DPP10: variants seen among roughly 807,000 people sequenced by gnomAD.
DPP10 encodes the protein inactive dipeptidyl peptidase 10.
DPP10 carries 33 observed loss-of-function variants against 120.9 expected under a neutral mutation model. The ratio of observed to expected loss-of-function variants is 0.27; its 90% CI spans 0.21 to 0.37. The LOEUF (loss-of-function observed/expected upper bound fraction) is 0.37, where lower values mean the gene tolerates loss of function less well. Ranked by LOEUF, DPP10 falls within the 10% of genes least tolerant of loss-of-function variation. The pLI is 1.00. For missense variants in DPP10, 816 were observed against 942.8 expected (o/e 0.87, Z 1.76); for synonymous variants, 337 against 326.1 (o/e 1.03, Z -0.36).
chr2:114,649,476 GTA>G (rs1696408193), intron 1 of DPP10, among the ~76,000 whole-genome samples: 1 of 151,914 alleles, frequency 6.6e-6, no homozygotes, highest in African/African-American at 2.4e-5. Context: ...ATTCTCCCGA[GTA>G]GCTGGGACTA....
chr2:114,663,668 TAGAGAG>T (rs1553479098), intron 1 of DPP10, among the ~76,000 whole-genome samples: 2 of 80,738 alleles, frequency 2.5e-5, no homozygotes, highest in Admixed American at 1.3e-4. Flanking sequence ...TATATATATA[TAGAGAG>T]AGAGAGAGAG....
intron 1 of DPP10, among the ~76,000 whole-genome samples, chr2:114,815,513 A>G (rs927845773): frequency 3.9e-5 from 6 of 152,174 alleles, no homozygotes; most frequent in Non-Finnish European, 2.9e-5. Flanking sequence ...TTTTACTTGT[A>G]TGTAGTATAC....
At chr2:114,907,088 T>C (rs1455360087) in intron 1 of DPP10, among the ~76,000 whole-genome samples, 1 of 152,138 alleles carries the variant, frequency 6.6e-6, no homozygotes, top group Non-Finnish European at 1.5e-5. Context: ...CCCTTTCATA[T>C]AAGTTATCCT....
intron 5 of DPP10, among the ~76,000 whole-genome samples, chr2:115,658,880 A>T (rs2088644547): frequency 6.6e-6 from 1 of 152,056 alleles, no homozygotes; most frequent in African/African-American, 2.4e-5. Flanking sequence ...TTTATAATAA[A>T]CTATATCAAT....
intron 3 of DPP10, among the ~76,000 whole-genome samples, chr2:115,491,686 GGA>G (rs1486137383): frequency 6.6e-6 from 1 of 152,070 alleles, no homozygotes; most frequent in Non-Finnish European, 1.5e-5. Context: ...GTTTCTGGTT[GGA>G]GATGTTATTT....
At chr2:115,830,113 TG>T (rs1465169332) in intron 21 of DPP10, among the ~76,000 whole-genome samples, 1 of 152,100 alleles carries the variant, frequency 6.6e-6, no homozygotes, top group Non-Finnish European at 1.5e-5. Context: ...CCCAGCACTT[TG>T]GGAGGCCAAG....
chr2:115,256,536 A>G (rs1186304699), intron 1 of DPP10, among the ~76,000 whole-genome samples: 2 of 152,198 alleles, frequency 1.3e-5, no homozygotes, highest in Non-Finnish European at 2.9e-5. Flanking sequence ...GAGGTAGTGT[A>G]TGGCTCTGAT....
chr2:114,685,463 G>A (rs1573964183), intron 1 of DPP10, among the ~76,000 whole-genome samples: 3 of 151,904 alleles, frequency 2.0e-5, no homozygotes, highest in African/African-American at 7.3e-5. Flanking sequence ...TACCCCAAAA[G>A]GGAACTAACG....
At chr2:114,507,214 A>C (rs1683750525) in intron 1 of DPP10, among the ~76,000 whole-genome samples, 1 of 151,866 alleles carries the variant, frequency 6.6e-6, no homozygotes, top group Admixed American at 6.6e-5. Context: ...CACCCCAGGT[A>C]ATTTTTGTAG....
At chr2:114,941,258 T>C (rs749498133) in intron 1 of DPP10, among the ~76,000 whole-genome samples, 6 of 152,184 alleles carry the variant, frequency 3.9e-5, no homozygotes, top group Admixed American at 3.3e-4. Context: ...TAGGTACCAA[T>C]CTTGTTGTCA....
chr2:115,518,767 T>C (rs2077638220), intron 4 of DPP10, among the ~76,000 whole-genome samples: 1 of 152,176 alleles, frequency 6.6e-6, no homozygotes, highest in African/African-American at 2.4e-5. Context: ...CTACTCATCT[T>C]GTAAGTATTA....
chr2:115,407,887 A>T, intron 3 of DPP10, among the ~76,000 whole-genome samples: 1 of 151,368 alleles, frequency 6.6e-6, no homozygotes, highest in East Asian at 1.9e-4. Context: ...AAAAGTAGTC[A>T]TTTTTTTTCA....
intron 1 of DPP10, among the ~76,000 whole-genome samples, chr2:115,254,345 A>G (rs1246940103): frequency 6.6e-6 from 1 of 152,130 alleles, no homozygotes; most frequent in African/African-American, 2.4e-5. Context: ...GGATGAGGGG[A>G]GTGACCCCCC....
chr2:114,822,685 C>T (rs10171811), intron 1 of DPP10, among the ~76,000 whole-genome samples: 5,032 of 151,974 alleles, frequency 0.033, 244 homozygotes, highest in African/African-American at 0.11. Flanking sequence ...TGTATACATG[C>T]GCCATGTTAT....
intron 1 of DPP10, among the ~76,000 whole-genome samples, chr2:114,588,822 C>G (rs1311801408): frequency 6.6e-6 from 1 of 152,144 alleles, no homozygotes. Flanking sequence ...CCATAACCAT[C>G]TGGCTGAGAA....
At chr2:114,905,263 G>C (rs942790411) in intron 1 of DPP10, among the ~76,000 whole-genome samples, 17 of 151,868 alleles carry the variant, frequency 1.1e-4, no homozygotes, top group Non-Finnish European at 1.9e-4. Context: ...AAATTTGGGT[G>C]GGGGGAGTGG....
intron 1 of DPP10, among the ~76,000 whole-genome samples, chr2:114,566,758 C>T (rs535693013): frequency 6.6e-6 from 1 of 152,310 alleles, no homozygotes; most frequent in South Asian, 2.1e-4. Flanking sequence ...GGTCTAGAGT[C>T]CTGGGTCTTC....
Position 115,108,540 on chromosome 2 carries a change from A to T in DPP10, c.61-200699A>T, listed in dbSNP as rs188860487. Reference sequence around the variant, plus strand: ...AATTACTGTATTAAACAATGTACAAATCATACAAAACAAATCTCTTGGAGA... The same window carrying T: ...AATTACTGTATTAAACAATGTACAATTCATACAAAACAAATCTCTTGGAGA... On this transcript the variant is annotated intron_variant, in intron 1 of 25. Coordinates refer to ENST00000410059, the MANE Select transcript of DPP10 (RefSeq NM_020868.6). 2.0e-3 allele frequency among the ~76,000 whole-genome samples: 309 copies of T among 152,328 alleles called. 2 individuals are homozygous for T. Among genetic ancestry groups the T allele is most frequent in the Non-Finnish European group, 2.2e-3 (150 of 68,034 alleles).
At chr2:114,509,492 CT>C (rs998632876) in intron 1 of DPP10, among the ~76,000 whole-genome samples, 7 of 152,160 alleles carry the variant, frequency 4.6e-5, no homozygotes, top group African/African-American at 1.7e-4. Flanking sequence ...GGTAGCAGGC[CT>C]GGAGACTAAA....
Sources: gnomAD v4.1 joint callset for allele counts (sites outside exome capture counted in the v4.1 genomes callset) on GRCh38, gnomAD v4.1.1 for gene constraint, MANE v1.5 for transcripts, NCBI Gene and HGNC (gene_info 2026-07-23, HGNC 2026-07-21) for gene names.